Variants in RFC1 observed in about 807,000 individuals in gnomAD.
RFC1 encodes the protein replication factor C subunit 1.
Under a neutral mutation model 137.4 loss-of-function variants are expected in RFC1, and 37 were observed. The observed-to-expected ratio is 0.27, with a 90% CI of 0.21 to 0.35. The LOEUF (loss-of-function observed/expected upper bound fraction) is 0.35, where lower values mean the gene tolerates loss of function less well. Ranked by LOEUF, RFC1 falls within the 10% of genes least tolerant of loss-of-function variation. The pLI is 1.00. For missense variants in RFC1, 1,205 were observed against 1,358.5 expected (o/e 0.89, Z 1.78); for synonymous variants, 429 against 455.7 (o/e 0.94, Z 0.75).
chr4:39,317,262 G>C (rs897434221), intron 9 of RFC1, among the ~76,000 whole-genome samples: 1 of 152,094 alleles, frequency 6.6e-6, no homozygotes, highest in Non-Finnish European at 1.5e-5. Flanking sequence ...GGCAGATTAT[G>C]GGAATAAGCC....
chr4:39,331,304 T>C (rs756659515), intron 4 of RFC1, among the ~76,000 whole-genome samples: 6 of 152,216 alleles, frequency 3.9e-5, no homozygotes, highest in Non-Finnish European at 8.8e-5. Context: ...AAATTGTCTC[T>C]GAAATGATGG....
rs1737925554 is a variant in RFC1, at chr4:39,295,333, C to T, written c.2954+281G>A. ...ATAGGCATAATAACAATAACAGTAA[C>T]AGTGCCACCTCAGACTTACGCAGTC... On this transcript the variant is annotated intron_variant, in intron 22 of 24. Transcript: ENST00000349703. Among the ~76,000 whole-genome samples, 3 of 152,200 alleles carry T rather than the reference C, an allele frequency of 2.0e-5. No individual in the cohort carries two copies. The South Asian group carries it at 6.2e-4, about 31-fold the overall frequency.
chr4:39,327,575 A>C lies in RFC1; in HGVS notation c.513T>G (p.Thr171=). Residue 171 remains threonine (T), a synonymous_variant, in exon 5 of 25, where the codon ACT becomes ACG. Transcript: ENST00000349703. ...TCTTATTAGATCTTTGGACACTTCCAGTTCCAAAATAATCAAGTACTGATG... is the reference window on the plus strand; with the variant it reads ...TCTTATTAGATCTTTGGACACTTCCCGTTCCAAAATAATCAAGTACTGATG... ...TPTSVLDYFG[T]GSVQRSNKKM... The C allele has an allele frequency of 6.2e-7, 1 of 1,613,612 alleles. No homozygotes were observed. Among genetic ancestry groups the C allele is most frequent in the South Asian group, 1.1e-5 (1 of 90,972 alleles).
At chr4:39,329,557 C>G (rs1049193921) in intron 4 of RFC1, among the ~76,000 whole-genome samples, 1 of 150,610 alleles carries the variant, frequency 6.6e-6, no homozygotes, top group Non-Finnish European at 1.5e-5. Flanking sequence ...GAGCAAGACT[C>G]TGTCTCAAAA....
chr4:39,313,042 A>G (rs1442073184), intron 10 of RFC1, 111 bp from the exon 11 acceptor site: 1 of 903,542 alleles, frequency 1.1e-6, no homozygotes. Context: ...ATCATAAATA[A>G]CCTTGGCATG....
In RFC1 at chr4:39,295,632, G is replaced by C. The variant is rs755911170; in HGVS notation, c.2936C>G (p.Ala979Gly). Residue 979 changes from alanine to glycine, a missense_variant, in exon 22 of 25, where the codon GCC becomes GGC. By Grantham distance (60) the Ala-to-Gly change is moderately conservative. Coordinates refer to ENST00000349703, the MANE Select transcript of RFC1 (RefSeq NM_002913.5). ...GKHDRIVQDL[A>G]LHMSLRTYSS... Reference sequence around the variant, plus strand: ...CACCTACCTGAGACTCATATGCAAGGCCAGGTCCTGAACAATACGATCATG... The same window carrying C: ...CACCTACCTGAGACTCATATGCAAGCCCAGGTCCTGAACAATACGATCATG... 1 of 1,608,574 alleles carries C rather than the reference G, an allele frequency of 6.2e-7. No individual in the cohort carries two copies. The highest frequency in any genetic ancestry group is 8.5e-7 in the Non-Finnish European group (1 of 1,177,306).
chr4:39,306,283 T>C (rs1472562304), intron 14 of RFC1, among the ~76,000 whole-genome samples: 4 of 152,208 alleles, frequency 2.6e-5, no homozygotes, highest in Non-Finnish European at 5.9e-5. Context: ...ATTAAGATAT[T>C]TGCATCTTTC....
intron 6 of RFC1, among the ~76,000 whole-genome samples, chr4:39,325,641 C>T (rs1739725462): frequency 6.6e-6 from 1 of 152,178 alleles, no homozygotes; most frequent in Admixed American, 6.5e-5. Context: ...CCTCGGCCTC[C>T]CAAAGTGCTG....
intron 1 of RFC1, among the ~76,000 whole-genome samples, chr4:39,353,727 C>A (rs1741328240): frequency 1.3e-5 from 2 of 152,192 alleles, no homozygotes; most frequent in Non-Finnish European, 2.9e-5. Flanking sequence ...CTCAAACAAT[C>A]ATGACTGTTC....
chr4:39,319,832 C>A (rs1739426372), intron 9 of RFC1, among the ~76,000 whole-genome samples: 1 of 152,100 alleles, frequency 6.6e-6, no homozygotes, highest in South Asian at 2.1e-4. Flanking sequence ...GTGTATCCAG[C>A]ATGGTTATGC....
intron 10 of RFC1, among the ~76,000 whole-genome samples, chr4:39,314,029 T>C (rs969298165): frequency 3.3e-5 from 5 of 152,236 alleles, no homozygotes; most frequent in Admixed American, 2.6e-4. Context: ...AAGTTACTTA[T>C]TACTCTTTTA....
At chr4:39,320,338 A>G (rs1739448731) in intron 9 of RFC1, 45 bp downstream of exon 9, 1 of 1,430,350 alleles carries the variant, frequency 7.0e-7, no homozygotes, top group African/African-American at 1.6e-5. Context: ...AACAAGAGCA[A>G]AACTCCATCT....
chr4:39,304,932 A>G lies in RFC1; in HGVS notation c.1996-4T>C. 2 of 1,570,730 alleles carry G rather than the reference A, an allele frequency of 1.3e-6. No individual in the cohort carries two copies. The highest frequency in any genetic ancestry group is 1.8e-6 in the Non-Finnish European group (2 of 1,140,738). On this transcript the variant is annotated splice_polypyrimidine_tract_variant and splice_region_variant and intron_variant, in intron 14 of 24. Transcript: ENST00000349703. ...CCACGTAGCTGTATCCCAACTCCTA[A>G]TCAAAATATTGGAAACCACTGAAGG...
At chr4:39,362,323 G>A (rs1217416562) in intron 1 of RFC1, among the ~76,000 whole-genome samples, 1 of 152,158 alleles carries the variant, frequency 6.6e-6, no homozygotes, top group Non-Finnish European at 1.5e-5. Flanking sequence ...GAAATTCAAG[G>A]AAATGGAATA....
chr4:39,355,096 A>AAACACACAC (rs1553927298), intron 1 of RFC1, among the ~76,000 whole-genome samples: 2 of 60,160 alleles, frequency 3.3e-5, no homozygotes, highest in African/African-American at 6.1e-5. Flanking sequence ...AAAAAAAAAA[A>AAACACACAC]ATACACACAC....
intron 1 of RFC1, among the ~76,000 whole-genome samples, chr4:39,353,989 G>GT (rs1339725876): frequency 6.6e-6 from 1 of 152,134 alleles, no homozygotes; most frequent in East Asian, 1.9e-4. Context: ...TCTGGTTTTT[G>GT]TCTGTACAAA....
intron 21 of RFC1, 26 bp from the exon 22 acceptor site, chr4:39,295,785 G>C (rs2109587732): frequency 6.2e-7 from 1 of 1,601,316 alleles, no homozygotes; most frequent in East Asian, 2.2e-5. Context: ...TTGCAGTCCA[G>C]AATTTATGTT....
intron 1 of RFC1, among the ~76,000 whole-genome samples, chr4:39,360,013 T>G (rs912227439): frequency 1.3e-5 from 2 of 151,534 alleles, no homozygotes; most frequent in African/African-American, 4.8e-5. Context: ...CAAAAACCCA[T>G]GGAAATAAAA....
chr4:39,288,640 C>A lies in RFC1; in HGVS notation c.*121G>T. The stretch of plus-strand genomic sequence containing the variant: ...ATACCACCCTTTATTTATAATGGGA[C>A]ACCAGGTCATCCCATTATGCTAAAA... On this transcript the variant is annotated 3_prime_UTR_variant, in exon 25 of 25. Transcript: ENST00000349703. 2 of 680,576 alleles carry A rather than the reference C, an allele frequency of 2.9e-6. No homozygotes were observed. The highest frequency in any genetic ancestry group is 2.6e-5 in the Admixed American group (1 of 37,802). 42.2% of individuals were successfully genotyped at this position (680,576 alleles called of 1,614,324 possible).
Sources: allele counts gnomAD v4.1 joint callset (sites outside exome capture counted in the v4.1 genomes callset), GRCh38; gene constraint gnomAD v4.1.1; transcripts MANE v1.5; gene names NCBI Gene and HGNC (gene_info 2026-07-23, HGNC 2026-07-21).